The following CYLC1 variants were observed in gnomAD, a reference collection of about 807,000 sequenced individuals.
CYLC1 encodes cylicin-1.
A neutral mutation model predicts 31.6 loss-of-function variants in CYLC1; 2 were observed. The observed-to-expected ratio is 0.06, with a 90% confidence interval of 0.03 to 0.20. The LOEUF (loss-of-function observed/expected upper bound fraction) is 0.20, where lower values mean the gene tolerates loss of function less well. Ranked by LOEUF, CYLC1 falls within the 10% of genes least tolerant of loss-of-function variation. The pLI, the probability that CYLC1 is intolerant of heterozygous loss-of-function variation, is 1.00. For missense variants in CYLC1, 595 were observed against 424.1 expected, an observed-to-expected ratio of 1.40 and a Z score of -3.54; for synonymous variants, 185 against 153.0, an observed-to-expected ratio of 1.21 and a Z score of -1.54.
chrX:83,880,609 G>A (rs1222103726), intron 4 of CYLC1, among the ~76,000 whole-genome samples: 1 of 111,084 alleles, frequency 9.0e-6, no homozygotes, highest in African/African-American at 3.3e-5. Context: ...AATATTAAGT[G>A]ATTTCTTTCT....
rs1316309518 is a variant in CYLC1, at chrX:83,872,764, C to T, written c.178-122C>T. The T allele has an allele frequency of 1.7e-5, 9 of 530,422 alleles. 1 individual carries two copies. The highest frequency in any genetic ancestry group is 2.5e-5 in the Non-Finnish European group (9 of 357,343). The allele number at this position is 530,422 out of a possible 1,213,427, so 43.7% of individuals were successfully genotyped here. On this transcript the variant is annotated intron_variant, in intron 3 of 4. Coordinates refer to ENST00000329312, the MANE Select transcript of CYLC1 (RefSeq NM_021118.3). The stretch of plus-strand genomic sequence containing the variant: ...ACACACACACACACACAGACACAAC[C>T]TTGAAAGAGAAAAAAACTAAGTTTA...
chrX:83,886,065 T>C (rs1382093210), intron 4 of CYLC1, among the ~76,000 whole-genome samples: 1 of 111,543 alleles, frequency 9.0e-6, no homozygotes, highest in Non-Finnish European at 1.9e-5. Context: ...ATAAAAAGTA[T>C]GCATTAATAT....
intron 1 of CYLC1, among the ~76,000 whole-genome samples, chrX:83,866,767 C>T (rs2031598787): frequency 1.1e-5 from 1 of 88,825 alleles, no homozygotes; most frequent in South Asian, 5.1e-4. Context: ...ATTGTCCAGC[C>T]CCACTCAGCA....
At chrX:83,872,169 G>T (rs951364289) in intron 3 of CYLC1, among the ~76,000 whole-genome samples, 5 of 110,658 alleles carry the variant, frequency 4.5e-5, no homozygotes, top group African/African-American at 1.6e-4. Context: ...CCATTTGCTT[G>T]TTGGCACCTC....
intron 2 of CYLC1, among the ~76,000 whole-genome samples, chrX:83,870,789 T>C (rs1034585999): frequency 9.0e-6 from 1 of 111,212 alleles, no homozygotes; most frequent in African/African-American, 3.3e-5. Context: ...TGAGTTTCGT[T>C]ACCAGTTCCA....
At chrX:83,885,662 G>A (rs1342614575) in intron 4 of CYLC1, among the ~76,000 whole-genome samples, 1 of 109,022 alleles carries the variant, frequency 9.2e-6, no homozygotes, top group East Asian at 2.8e-4. Flanking sequence ...ATGGGAATAT[G>A]TAGGAAGAGT....
chrX:83,866,504 G>A (rs187448919), intron 1 of CYLC1, among the ~76,000 whole-genome samples: 3 of 110,523 alleles, frequency 2.7e-5, no homozygotes, highest in Non-Finnish European at 3.8e-5. Flanking sequence ...AGATTTGTCC[G>A]TTTAATTCTT....
intron 1 of CYLC1, among the ~76,000 whole-genome samples, chrX:83,866,523 C>T (rs1160325822): frequency 9.0e-6 from 1 of 110,992 alleles, no homozygotes; most frequent in Non-Finnish European, 1.9e-5. Flanking sequence ...TTTCATCCTT[C>T]CTCTCTCTGT....
At chrX:83,869,568 A>ATAG (rs1569332876) in intron 1 of CYLC1, among the ~76,000 whole-genome samples, 1 of 111,038 alleles carries the variant, frequency 9.0e-6, no homozygotes, top group African/African-American at 3.3e-5. Context: ...TTATGGCTGC[A>ATAG]TAGTACTCCA....
chrX:83,872,728 C>CACACACAA (rs2031686244), intron 3 of CYLC1, among the ~76,000 whole-genome samples, 158 bp from the exon 4 acceptor site: 1 of 107,736 alleles, frequency 9.3e-6, no homozygotes, highest in African/African-American at 3.4e-5. Context: ...TACACACACA[C>CACACACAA]ACACACACAC....
intron 4 of CYLC1, among the ~76,000 whole-genome samples, chrX:83,877,235 C>G: frequency 2.7e-5 from 3 of 110,937 alleles, no homozygotes; most frequent in Non-Finnish European, 5.7e-5. Context: ...ACTGAATCCA[C>G]TTTCCTTATC....
Position 83,873,985 on chromosome X carries a change from A to G in CYLC1, c.1277A>G (p.Lys426Arg). Residue 426 changes from lysine (K) to arginine (R), a missense_variant, in exon 4 of 5, where the codon AAA becomes AGA. Transcript: ENST00000329312. ...AGTCAGAAAGATGAAAAAAAGGATAAAAAAGATTCAAAGACAGATAATAAA... is the reference window on the plus strand; with the variant it reads ...AGTCAGAAAGATGAAAAAAAGGATAGAAAAGATTCAAAGACAGATAATAAA... Reference protein sequence around the residue: ...KESQKDEKKDKKDSKTDNKKS... With the variant: ...KESQKDEKKDRKDSKTDNKKS... The G allele has an allele frequency of 1.7e-6, 2 of 1,181,706 alleles. No homozygotes were observed. The highest frequency in any genetic ancestry group is 2.3e-6 in the Non-Finnish European group (2 of 879,993).
chrX:83,874,619 A>T lies in CYLC1; in HGVS notation c.1911A>T (p.Arg637Ser), dbSNP rs1382305996. 8.4e-7 allele frequency: 1 copy of T among 1,193,786 alleles called. No homozygotes were observed. The highest frequency in any genetic ancestry group is 3.0e-5 in the East Asian group (1 of 33,709). ...TGCCTCCTCCACCTCCAAAACCAAG[A>T]TATGCTCCTTTGGTAAGTTTACTAC... Reference protein sequence around the residue: ...CKMPPPPPKPRYAPLPEAPWI... With the variant: ...CKMPPPPPKPSYAPLPEAPWI... The change falls in exon 4 of 5, where the codon AGA becomes AGT. Residue 637 changes from arginine (R) to serine (S), a missense_variant. Arg to Ser is a moderately radical substitution (Grantham distance 110, BLOSUM62 -1). Coordinates refer to ENST00000329312, the MANE Select transcript of CYLC1 (RefSeq NM_021118.3).
Position 83,875,822 on chromosome X carries a change from T to C in CYLC1, c.1923+1191T>C, listed in dbSNP as rs756855816. On this transcript the variant is annotated intron_variant, in intron 4 of 4. Transcript: ENST00000329312. Reference sequence around the variant, plus strand: ...CATTTACATGATTTCTGGGCATCAATCTTTGTTTCCTATGCTTGCATGGTA... The same window carrying C: ...CATTTACATGATTTCTGGGCATCAACCTTTGTTTCCTATGCTTGCATGGTA... Among the ~76,000 whole-genome samples, 84 of 111,193 alleles carry C rather than the reference T, an allele frequency of 7.6e-4. 1 individual carries two copies. Among genetic ancestry groups the C allele is most frequent in the Admixed American group, 1.2e-3 (13 of 10,418 alleles).
At position 83,885,835 on chromosome X, in the gene CYLC1, A is replaced by G. The variant is rs745671055; in HGVS notation, c.1924-717A>G. ...TTGGTATAAATGTATAATATATAAA[A>G]CTATGTATACTTATAAATTAATGTA... On this transcript the variant is annotated intron_variant, in intron 4 of 4. Coordinates refer to ENST00000329312, the MANE Select transcript of CYLC1 (RefSeq NM_021118.3). Among the ~76,000 whole-genome samples, 219 of 110,123 alleles carry G rather than the reference A, an allele frequency of 2.0e-3. 2 individuals are homozygous for G. The highest frequency in any genetic ancestry group is 7.0e-3 in the African/African-American group (214 of 30,596).
At chrX:83,876,892 G>A (rs998859045) in intron 4 of CYLC1, among the ~76,000 whole-genome samples, 4 of 110,602 alleles carry the variant, frequency 3.6e-5, no homozygotes, top group Non-Finnish European at 5.7e-5. Flanking sequence ...AGTATATAGC[G>A]TTAAATGGCT....
chrX:83,864,986 A>G (rs1298529881), intron 1 of CYLC1, among the ~76,000 whole-genome samples: 1 of 111,004 alleles, frequency 9.0e-6, no homozygotes, highest in Non-Finnish European at 1.9e-5. Flanking sequence ...TTAGTATACA[A>G]TATCATCCAT....
chrX:83,879,073 A>T (rs1239484364), intron 4 of CYLC1, among the ~76,000 whole-genome samples: 1 of 110,525 alleles, frequency 9.0e-6, no homozygotes, highest in Non-Finnish European at 1.9e-5. Context: ...TAAGTGAAGA[A>T]TTCTTTATAT....
At chrX:83,870,800 C>A (rs2031652358) in intron 2 of CYLC1, among the ~76,000 whole-genome samples, 1 of 111,099 alleles carries the variant, frequency 9.0e-6, no homozygotes, top group Non-Finnish European at 1.9e-5. Context: ...ACCAGTTCCA[C>A]TTTTGACATA....
Sources: allele counts gnomAD v4.1 joint callset (sites outside exome capture counted in the v4.1 genomes callset), GRCh38; gene constraint gnomAD v4.1.1; transcripts MANE v1.5; gene names NCBI Gene and HGNC (gene_info 2026-07-23, HGNC 2026-07-21).